The following PLEKHB2 variants were observed in gnomAD, a reference collection of about 807,000 sequenced individuals.
The protein encoded by PLEKHB2 is pleckstrin homology domain-containing family B member 2.
Under a neutral mutation model 36.5 loss-of-function variants are expected in PLEKHB2, and 31 were observed. The observed-to-expected ratio is 0.85, with a 90% CI of 0.64 to 1.15. The LOEUF is 1.15. Ranked by LOEUF, PLEKHB2 falls within the 50% of genes most tolerant of loss-of-function variation. The pLI is 0.00. For synonymous variants in PLEKHB2, 119 were observed against 112.0 expected, an observed-to-expected ratio of 1.06 and a Z score of -0.39; for missense variants, 262 against 295.3, an observed-to-expected ratio of 0.89 and a Z score of 0.83.
At chr2:131,144,202 C>G (rs1699064021) in intron 7 of PLEKHB2, among the ~76,000 whole-genome samples, 1 of 152,220 alleles carries the variant, frequency 6.6e-6, no homozygotes, top group Non-Finnish European at 1.5e-5. Flanking sequence ...ATGCACAGAG[C>G]TGGTTAAGGC....
At chr2:131,138,219 A>G (rs1456040195) in intron 6 of PLEKHB2, among the ~76,000 whole-genome samples, 1 of 151,746 alleles carries the variant, frequency 6.6e-6, no homozygotes, top group Non-Finnish European at 1.5e-5. Flanking sequence ...TTATATCTTG[A>G]TATATAAAAA....
At chr2:131,138,959 C>T (rs1268626381) in intron 6 of PLEKHB2, among the ~76,000 whole-genome samples, 1 of 152,158 alleles carries the variant, frequency 6.6e-6, no homozygotes, top group African/African-American at 2.4e-5. Flanking sequence ...TCTGAAGGCC[C>T]GGCAGTGCCT....
At chr2:131,136,403 T>G (rs1573612701) in intron 6 of PLEKHB2, among the ~76,000 whole-genome samples, 1 of 151,238 alleles carries the variant, frequency 6.6e-6, no homozygotes, top group Admixed American at 6.6e-5. Flanking sequence ...AGAGACAGGG[T>G]CTTGTTCTGT....
rs1204390222 is a variant in PLEKHB2, at chr2:131,125,860, A to G, written c.145A>G (p.Met49Val). The change falls in exon 3 of 8, where the codon ATG (methionine) becomes GTG (valine). Residue 49 changes from methionine (M) to valine (V), a missense_variant. Transcript: ENST00000693505. The part of the protein sequence containing the change: ...TRQNIEDKVH[M>V]PMDCINIRTG... The stretch of plus-strand genomic sequence containing the variant: ...GCAGAATATCGAGGATAAGGTCCAC[A>G]TGCCAATGGACTGCATCAACATCCG... The G allele has an allele frequency of 1.2e-6, 2 of 1,613,606 alleles. No homozygotes were observed. The highest frequency in any genetic ancestry group is 1.7e-6 in the Non-Finnish European group (2 of 1,179,810).
chr2:131,142,965 C>T lies in PLEKHB2; in HGVS notation c.532+2690C>T, dbSNP rs1012949545. Among the ~76,000 whole-genome samples, 7 of 152,210 alleles carry T rather than the reference C, an allele frequency of 4.6e-5. No individual in the cohort carries two copies. The East Asian group carries it at 7.7e-4, about 17-fold the overall frequency. Reference sequence around the variant, plus strand: ...ATGATTTTTTGACTTTCCGATGGTGCGAAAACAATGTACATTTAGTAGAAA... The same window carrying T: ...ATGATTTTTTGACTTTCCGATGGTGTGAAAACAATGTACATTTAGTAGAAA... On this transcript the variant is annotated intron_variant, in intron 7 of 7. Coordinates refer to ENST00000693505, the MANE Select transcript of PLEKHB2 (RefSeq NM_001100623.2).
intron 7 of PLEKHB2, chr2:131,144,564 T>C (rs1044809783): frequency 6.5e-5 from 27 of 413,674 alleles, no homozygotes; most frequent in Non-Finnish European, 1.1e-4. Context: ...AACCTTCCTT[T>C]ATTTAGTTTT....
intron 4 of PLEKHB2, among the ~76,000 whole-genome samples, chr2:131,129,541 G>C: frequency 6.6e-6 from 1 of 152,090 alleles, no homozygotes; most frequent in Non-Finnish European, 1.5e-5. Context: ...TTTCGCTCTT[G>C]TTGCCCAGGC....
chr2:131,106,105 G>C (rs1005085717), intron 1 of PLEKHB2, among the ~76,000 whole-genome samples: 3 of 152,140 alleles, frequency 2.0e-5, no homozygotes, highest in African/African-American at 7.2e-5. Flanking sequence ...CAACTAGATT[G>C]AAAACTCCGG....
chr2:131,112,379 G>A (rs1380675633), intron 1 of PLEKHB2, among the ~76,000 whole-genome samples: 1 of 152,110 alleles, frequency 6.6e-6, no homozygotes, highest in Admixed American at 6.6e-5. Context: ...TAATAAACTG[G>A]TAAATATAAG....
chr2:131,130,506 G>A (rs1210538166), intron 4 of PLEKHB2, among the ~76,000 whole-genome samples: 4 of 152,242 alleles, frequency 2.6e-5, no homozygotes, highest in South Asian at 2.1e-4. Context: ...AAAGTAAAAA[G>A]TATAGTATAG....
chr2:131,145,641 C>A (rs1699209667), intron 7 of PLEKHB2, among the ~76,000 whole-genome samples: 1 of 152,110 alleles, frequency 6.6e-6, no homozygotes, highest in African/African-American at 2.4e-5. Flanking sequence ...GGCCAGCCAG[C>A]CTTTGAACCA....
chr2:131,110,294 T>C (rs1450041934), intron 1 of PLEKHB2, among the ~76,000 whole-genome samples: 1 of 151,314 alleles, frequency 6.6e-6, no homozygotes, highest in East Asian at 1.9e-4. Flanking sequence ...CCTGTAGTAC[T>C]CGGTCCTGCT....
rs1192266325 is a variant in PLEKHB2 at position 131,149,699 on chromosome 2, T to C, written c.*2926T>C. ...TACAAGGCATGGAATGCAGTTCCAC[T>C]TTCTCCCCAGAGTTGATCTTTTTGT... is the stretch of plus-strand genomic sequence containing the variant. On this transcript the variant is annotated 3_prime_UTR_variant, in exon 8 of 8. Coordinates refer to ENST00000693505, the MANE Select transcript of PLEKHB2 (RefSeq NM_001100623.2). The C allele has an allele frequency of 6.6e-6, 1 of 152,248 alleles. No individual in the cohort carries two copies. The highest frequency in any genetic ancestry group is 2.4e-5 in the African/African-American group (1 of 41,458). The allele number at this position is 152,248 out of a possible 1,614,324, so 9.4% of individuals were successfully genotyped here.
intron 2 of PLEKHB2, among the ~76,000 whole-genome samples, chr2:131,122,829 G>C (rs978731718): frequency 1.2e-4 from 19 of 152,182 alleles, no homozygotes; most frequent in Admixed American, 6.5e-4. Context: ...CACAAAGAAA[G>C]TCCTGGCTTG....
At chr2:131,120,873 G>A (rs775488928) in intron 1 of PLEKHB2, 61 bp from the exon 2 acceptor site, 1 of 1,526,942 alleles carries the variant, frequency 6.5e-7, no homozygotes, top group Non-Finnish European at 9.1e-7. Flanking sequence ...TAGAGACTCG[G>A]GCCGGACAGG....
At chr2:131,145,480 C>T (rs1257084314) in intron 7 of PLEKHB2, among the ~76,000 whole-genome samples, 1 of 152,140 alleles carries the variant, frequency 6.6e-6, no homozygotes, top group East Asian at 1.9e-4. Flanking sequence ...CAGGCATGCG[C>T]CACTACCCCT....
At position 131,125,904 on chromosome 2, in the gene PLEKHB2, G is replaced by T. The variant is rs370779197; in HGVS notation, c.189G>T (p.Arg63=). ...CINIRTGQEC[R]DTQPPDGKSK... The stretch of plus-strand genomic sequence containing the variant: ...ACATCCGCACGGGGCAGGAATGTCG[G>T]GGTAAGCTGGCCTGTCTTGGCCAAC... Residue 63 remains arginine (R), a splice_region_variant and synonymous_variant, in exon 3 of 8, where the codon CGG becomes CGT. Transcript: ENST00000693505. 8.3e-5 allele frequency: 134 copies of T among 1,611,934 alleles called. No individual in the cohort carries two copies. Among genetic ancestry groups the T allele is most frequent in the Non-Finnish European group, 1.1e-4 (126 of 1,179,498 alleles).
chr2:131,116,129 C>T (rs939561889), intron 1 of PLEKHB2, among the ~76,000 whole-genome samples: 13 of 152,206 alleles, frequency 8.5e-5, no homozygotes, highest in Middle Eastern at 3.2e-3. Flanking sequence ...AATCTGATTT[C>T]CCCTTTCTCT....
chr2:131,132,980 C>T lies in PLEKHB2; in HGVS notation c.412C>T (p.Pro138Ser). The change falls in exon 6 of 8, where the codon CCG becomes TCG. Residue 138 changes from proline to serine, a missense_variant. Physicochemically the swap from Pro to Ser is moderately conservative, Grantham distance 74. Coordinates refer to ENST00000693505, the MANE Select transcript of PLEKHB2 (RefSeq NM_001100623.2). Reference protein sequence around the residue: ...SPPPYTAYAAPAPEQAYGYGP... With the variant: ...SPPPYTAYAASAPEQAYGYGP... ...TCCACCATACACGGCCTATGCTGCA[C>T]CGGCCCCTGAGGTAGGGAGAACCCT... 1.2e-6 allele frequency: 2 copies of T among 1,613,052 alleles called. No homozygotes were observed. The highest frequency in any genetic ancestry group is 1.7e-6 in the Non-Finnish European group (2 of 1,179,080).
Sources: allele counts gnomAD v4.1 joint callset (sites outside exome capture counted in the v4.1 genomes callset), GRCh38; gene constraint gnomAD v4.1.1; transcripts MANE v1.5; gene names NCBI Gene and HGNC (gene_info 2026-07-23, HGNC 2026-07-21).